Variants in MGMT observed in about 807,000 individuals in gnomAD.
MGMT encodes methylated-DNA--protein-cysteine methyltransferase.
Under a neutral mutation model 15.9 loss-of-function variants are expected in MGMT, and 14 were observed. That is an observed-to-expected ratio of 0.88 (90% CI 0.58 to 1.37). The LOEUF (loss-of-function observed/expected upper bound fraction) is 1.37, where lower values mean the gene tolerates loss of function less well. Among genes scored for constraint, MGMT ranks in the 40% most tolerant of loss-of-function variants. The pLI is 0.00. For synonymous variants in MGMT, 130 were observed against 118.2 expected, an observed-to-expected ratio of 1.10 and a Z score of -0.65; for missense variants, 282 against 268.1, an observed-to-expected ratio of 1.05 and a Z score of -0.36.
At chr10:129,752,838 A>G (rs1389763001) in intron 3 of MGMT, among the ~76,000 whole-genome samples, 1 of 152,248 alleles carries the variant, frequency 6.6e-6, no homozygotes, top group Middle Eastern at 3.4e-3. Flanking sequence ...ACATATCTTG[A>G]AAAACTTGAG....
intron 1 of MGMT, among the ~76,000 whole-genome samples, chr10:129,474,923 G>A (rs538718178): frequency 6.6e-6 from 1 of 152,210 alleles, no homozygotes; most frequent in Non-Finnish European, 1.5e-5. Context: ...GTAGGGAGAC[G>A]TGCTTGTCAC....
intron 2 of MGMT, among the ~76,000 whole-genome samples, chr10:129,702,400 C>T (rs1345737195): frequency 6.6e-6 from 1 of 152,196 alleles, no homozygotes; most frequent in African/African-American, 2.4e-5. Context: ...GTGAAAGCCA[C>T]CAGTGTCATG....
chr10:129,713,299 AT>A (rs921283263), intron 3 of MGMT, among the ~76,000 whole-genome samples: 1 of 152,190 alleles, frequency 6.6e-6, no homozygotes, highest in African/African-American at 2.4e-5. Flanking sequence ...CCGTTTATTG[AT>A]TAGAACAAGC....
At chr10:129,709,018 G>A (rs951258183) in intron 3 of MGMT, among the ~76,000 whole-genome samples, 5 of 152,192 alleles carry the variant, frequency 3.3e-5, no homozygotes, top group Admixed American at 1.3e-4. Context: ...AGTCAGACAG[G>A]CGAACATATG....
At chr10:129,656,852 C>G (rs1391838963) in intron 2 of MGMT, among the ~76,000 whole-genome samples, 3 of 152,086 alleles carry the variant, frequency 2.0e-5, no homozygotes, top group South Asian at 2.1e-4. Context: ...TGACTTTCCC[C>G]TTTAGATTAG....
chr10:129,671,628 G>C (rs1847724867), intron 2 of MGMT, among the ~76,000 whole-genome samples: 1 of 152,192 alleles, frequency 6.6e-6, no homozygotes, highest in Non-Finnish European at 1.5e-5. Flanking sequence ...AAATGTGATG[G>C]AGAAGATGTT....
intron 2 of MGMT, among the ~76,000 whole-genome samples, chr10:129,666,823 G>A (rs1379042333): frequency 6.6e-6 from 1 of 152,178 alleles, no homozygotes; most frequent in Admixed American, 6.5e-5. Flanking sequence ...AGTTGTAGAA[G>A]TTTTTGTTTC....
Position 129,533,533 on chromosome 10 carries a change from G to A in MGMT, c.-12-2708G>A, listed in dbSNP as rs1337664400. Among the ~76,000 whole-genome samples, 6 of 152,158 alleles carry A rather than the reference G, an allele frequency of 3.9e-5. No homozygotes were observed. The highest frequency in any genetic ancestry group is 7.3e-5 in the Non-Finnish European group (5 of 68,030). ...CTGCTGGGAGCTTTGACCCACCATCGTGCAGGGCGAGTTTCCAAGAAATGG... is the reference window on the plus strand; with the variant it reads ...CTGCTGGGAGCTTTGACCCACCATCATGCAGGGCGAGTTTCCAAGAAATGG... On this transcript the variant is annotated intron_variant, in intron 1 of 4. Coordinates refer to ENST00000651593, the MANE Select transcript of MGMT (RefSeq NM_002412.5). This position sits in a 1 kb window ranked among gnomAD's most constrained non-coding sequence, Gnocchi z 4.5.
intron 2 of MGMT, among the ~76,000 whole-genome samples, chr10:129,602,616 A>G (rs1385503712): frequency 1.3e-5 from 2 of 152,170 alleles, no homozygotes; most frequent in African/African-American, 4.8e-5. Context: ...GGCTTCAGGT[A>G]ACTAGGACTT....
At chr10:129,644,871 T>C (rs1005220634) in intron 2 of MGMT, among the ~76,000 whole-genome samples, 1 of 152,194 alleles carries the variant, frequency 6.6e-6, no homozygotes, top group African/African-American at 2.4e-5. Context: ...TCTTACTTTT[T>C]GCACATCTCT....
intron 2 of MGMT, among the ~76,000 whole-genome samples, chr10:129,656,817 G>C (rs1378739720): frequency 5.9e-5 from 9 of 152,088 alleles, no homozygotes; most frequent in South Asian, 4.2e-4. Context: ...ACGGGAGGCA[G>C]GTTGGCCCTG....
At chr10:129,669,980 A>G (rs2133111693) in intron 2 of MGMT, among the ~76,000 whole-genome samples, 2 of 152,302 alleles carry the variant, frequency 1.3e-5, no homozygotes. Context: ...TTTAATATCA[A>G]ACCTGAACCA....
intron 2 of MGMT, among the ~76,000 whole-genome samples, chr10:129,640,947 T>A (rs1309685580): frequency 6.6e-6 from 1 of 152,214 alleles, no homozygotes; most frequent in Non-Finnish European, 1.5e-5. Context: ...GATAAAAGAT[T>A]GAATGTTTTC....
chr10:129,560,030 C>A (rs1846258940), intron 2 of MGMT, among the ~76,000 whole-genome samples: 1 of 152,160 alleles, frequency 6.6e-6, no homozygotes, highest in Non-Finnish European at 1.5e-5. Context: ...AGAAACGGAG[C>A]AAAAGTGGAA....
intron 2 of MGMT, among the ~76,000 whole-genome samples, chr10:129,646,754 A>ATATATATATATATTTTTTTTTTTTT: frequency 1.8e-4 from 16 of 86,656 alleles, no homozygotes; most frequent in South Asian, 3.4e-4. Context: ...ATATATATAT[A>ATATATATATATATTTTTTTTTTTTT]TTTTCAGGGA....
chr10:129,467,626 T>C (rs1418887999), intron 1 of MGMT, among the ~76,000 whole-genome samples: 1 of 152,200 alleles, frequency 6.6e-6, no homozygotes, highest in Non-Finnish European at 1.5e-5. Context: ...TGCTGCCAGC[T>C]TTCCCTCCGC....
chr10:129,731,524 C>T (rs960968890), intron 3 of MGMT, among the ~76,000 whole-genome samples: 1 of 151,676 alleles, frequency 6.6e-6, no homozygotes, highest in Admixed American at 6.6e-5. Context: ...TCAAGCAGTA[C>T]AGCTGGGATT....
At chr10:129,744,911 C>T (rs755434378) in intron 3 of MGMT, among the ~76,000 whole-genome samples, 7 of 152,176 alleles carry the variant, frequency 4.6e-5, no homozygotes, top group Non-Finnish European at 8.8e-5. Flanking sequence ...TCCATGCTGA[C>T]ACCACCCACC....
rs537499934 is a variant in MGMT at position 129,591,972 on chromosome 10, G to A, written c.125+55595G>A. On this transcript the variant is annotated intron_variant, in intron 2 of 4. Coordinates refer to ENST00000651593, the MANE Select transcript of MGMT (RefSeq NM_002412.5). ...AATAAAAAAGAATGTCCTTGTTGAA[G>A]CAATAAACGCTAATTGTACTACAAA... Among the ~76,000 whole-genome samples the A allele has an allele frequency of 2.7e-3, 414 of 152,262 alleles. 2 individuals carry two copies. Among genetic ancestry groups the A allele is most frequent in the African/African-American group, 9.6e-3 (397 of 41,564 alleles).
Sources: allele counts gnomAD v4.1 joint callset (sites outside exome capture counted in the v4.1 genomes callset), GRCh38; gene constraint gnomAD v4.1.1; non-coding constraint Gnocchi (gnomAD v3.1); transcripts MANE v1.5; gene names NCBI Gene and HGNC (gene_info 2026-07-23, HGNC 2026-07-21).